VRK2: variants seen among roughly 807,000 people sequenced by gnomAD.
VRK2 encodes the protein serine/threonine-protein kinase VRK2.
In VRK2, 60 loss-of-function variants were observed where a neutral mutation model predicts 57.6. The observed-to-expected ratio is 1.04, with a 90% CI of 0.85 to 1.29. The LOEUF (loss-of-function observed/expected upper bound fraction) is 1.29, where lower values mean the gene tolerates loss of function less well. Among genes scored for constraint, VRK2 ranks in the 50% most tolerant of loss-of-function variants. VRK2 has a pLI of 0.00. For synonymous variants in VRK2, 231 were observed against 199.2 expected (o/e 1.16, Z -1.35); for missense variants, 705 against 588.1 (o/e 1.20, Z -2.06).
At chr2:57,933,604 T>G (rs536899586) in intron 1 of VRK2, among the ~76,000 whole-genome samples, 3 of 151,660 alleles carry the variant, frequency 2.0e-5, no homozygotes, top group Non-Finnish European at 4.4e-5. Context: ...CACCACCTGC[T>G]GTCTATTTCC....
intron 2 of VRK2, among the ~76,000 whole-genome samples, chr2:58,028,891 AATAAATAAATAAATATATATATATATAT>A (rs1406732534): frequency 1.1e-4 from 6 of 55,670 alleles, no homozygotes; most frequent in South Asian, 1.4e-3. Flanking sequence ...ATAATAAATA[AATAAATAAATAAATATATATATATATAT>A]ATATATATAT....
intron 1 of VRK2, among the ~76,000 whole-genome samples, chr2:57,953,924 A>G (rs539893267): frequency 2.0e-5 from 3 of 152,196 alleles, no homozygotes; most frequent in African/African-American, 4.8e-5. Flanking sequence ...ATAATAGATA[A>G]TATTACTTAA....
chr2:58,091,117 C>T (rs907835039), intron 7 of VRK2, among the ~76,000 whole-genome samples: 1 of 152,138 alleles, frequency 6.6e-6, no homozygotes, highest in Non-Finnish European at 1.5e-5. Context: ...AACTATTCTG[C>T]ATGATACCAT....
At chr2:58,095,225 C>T (rs977575318) in intron 7 of VRK2, among the ~76,000 whole-genome samples, 2 of 147,950 alleles carry the variant, frequency 1.4e-5, no homozygotes, top group African/African-American at 2.5e-5. Context: ...ACCCGGGAGG[C>T]GGAGCTTGCA....
chr2:57,913,043 A>G (rs1670038177), intron 1 of VRK2, among the ~76,000 whole-genome samples: 1 of 152,176 alleles, frequency 6.6e-6, no homozygotes, highest in African/African-American at 2.4e-5. Flanking sequence ...TGGAACCTGC[A>G]TCTGAGATTC....
chr2:58,079,559 T>A (rs1355120625), intron 2 of VRK2, among the ~76,000 whole-genome samples: 1 of 152,090 alleles, frequency 6.6e-6, no homozygotes, highest in East Asian at 1.9e-4. Context: ...CTCTCTCATT[T>A]ATTTGTTTAT....
At chr2:58,032,684 C>T (rs543525835) in intron 2 of VRK2, among the ~76,000 whole-genome samples, 101 of 152,228 alleles carry the variant, frequency 6.6e-4, no homozygotes, top group African/African-American at 2.4e-3. Context: ...TCCAGTCTCC[C>T]TTAGGATAGG....
intron 1 of VRK2, among the ~76,000 whole-genome samples, chr2:57,946,583 C>T (rs1474897048): frequency 6.6e-6 from 1 of 151,978 alleles, no homozygotes; most frequent in Non-Finnish European, 1.5e-5. Flanking sequence ...GATTTGGCTT[C>T]CCCCATTAAA....
intron 1 of VRK2, among the ~76,000 whole-genome samples, chr2:57,971,080 A>C (rs72808484): frequency 0.12 from 18,946 of 151,928 alleles, 1,266 homozygotes; most frequent in East Asian, 0.19. Context: ...TGGGGTGCCC[A>C]GTTTCAATAA....
At chr2:57,974,469 C>T (rs1159917554) in intron 1 of VRK2, among the ~76,000 whole-genome samples, 1 of 151,604 alleles carries the variant, frequency 6.6e-6, no homozygotes, top group African/African-American at 2.4e-5. Flanking sequence ...TTCAAAAAGG[C>T]AGACAGGCCA....
chr2:58,130,267 T>A (rs1037867019), intron 8 of VRK2, among the ~76,000 whole-genome samples: 2 of 152,212 alleles, frequency 1.3e-5, no homozygotes, highest in Non-Finnish European at 2.9e-5. Flanking sequence ...TTTTAAGTGA[T>A]GGTAATCAGG....
chr2:58,146,361 A>G lies in VRK2; in HGVS notation c.1069A>G (p.Asn357Asp), dbSNP rs369691181. The G allele has an allele frequency of 4.3e-6, 7 of 1,611,406 alleles. No homozygotes were observed. Among genetic ancestry groups the G allele is most frequent in the Middle Eastern group, 1.6e-4 (1 of 6,062 alleles). Residue 357 changes from asparagine to aspartate, a missense_variant, in exon 12 of 13, where the codon AAT becomes GAT. Asn to Asp is a conservative substitution (Grantham distance 23). Coordinates refer to ENST00000340157, the MANE Select transcript of VRK2 (RefSeq NM_006296.7). Reference sequence around the variant, plus strand: ...AACAAAGCAAGTCAACAAGGCACACAATAGGTTAATCGAAAAAAAAGTCCA... The same window carrying G: ...AACAAAGCAAGTCAACAAGGCACACGATAGGTTAATCGAAAAAAAAGTCCA... ...AATKQVNKAH[N>D]RLIEKKVHSE...
At chr2:57,935,602 G>A (rs946400840) in intron 1 of VRK2, among the ~76,000 whole-genome samples, 1 of 152,158 alleles carries the variant, frequency 6.6e-6, no homozygotes, top group East Asian at 1.9e-4. Context: ...TCATGGGCCA[G>A]CTTCCTGGCA....
intron 1 of VRK2, among the ~76,000 whole-genome samples, chr2:57,942,707 T>C (rs1671138316): frequency 6.6e-6 from 1 of 152,222 alleles, no homozygotes; most frequent in Non-Finnish European, 1.5e-5. Context: ...TTTGGTTTTA[T>C]GACACAAATG....
intron 1 of VRK2, among the ~76,000 whole-genome samples, chr2:57,910,171 C>G (rs1281605767): frequency 1.3e-5 from 2 of 151,480 alleles, no homozygotes; most frequent in East Asian, 3.9e-4. Flanking sequence ...CTACAAAACA[C>G]GTAGCTAGCT....
intron 7 of VRK2, among the ~76,000 whole-genome samples, chr2:58,109,553 A>C (rs1434373533): frequency 6.6e-6 from 1 of 152,204 alleles, no homozygotes; most frequent in African/African-American, 2.4e-5. Context: ...AGGGGAAGCA[A>C]ATATGTCCTT....
intron 7 of VRK2, among the ~76,000 whole-genome samples, chr2:58,096,946 T>G (rs992768774): frequency 6.6e-6 from 1 of 151,974 alleles, no homozygotes; most frequent in Non-Finnish European, 1.5e-5. Flanking sequence ...AGTAGGAAAT[T>G]CTTAAATTTT....
At chr2:57,926,107 T>C (rs1484191623) in intron 1 of VRK2, among the ~76,000 whole-genome samples, 1 of 152,008 alleles carries the variant, frequency 6.6e-6, no homozygotes, top group Admixed American at 6.6e-5. Flanking sequence ...TGATATAATT[T>C]CTTTTTTTTA....
At chr2:58,028,903 A>AATAAATAT (rs1553378204) in intron 2 of VRK2, among the ~76,000 whole-genome samples, 34 of 54,010 alleles carry the variant, frequency 6.3e-4, no homozygotes, top group South Asian at 1.8e-3. Context: ...TAAATAAATA[A>AATAAATAT]ATATATATAT....
Sources: gnomAD v4.1 joint callset for allele counts (sites outside exome capture counted in the v4.1 genomes callset) on GRCh38, gnomAD v4.1.1 for gene constraint, MANE v1.5 for transcripts, NCBI Gene and HGNC (gene_info 2026-07-23, HGNC 2026-07-21) for gene names.